RAD52: variants seen among roughly 807,000 people sequenced by gnomAD.
RAD52 encodes RAD52 DNA repair protein.
Under a neutral mutation model 55.5 loss-of-function variants are expected in RAD52, and 47 were observed. The observed-to-expected ratio is 0.85, with a 90% CI of 0.67 to 1.08. The LOEUF is 1.08. Ranked by LOEUF, RAD52 falls within the 50% of genes least tolerant of loss-of-function variation. The pLI, the probability that RAD52 is intolerant of heterozygous loss-of-function variation, is 0.00. For synonymous variants in RAD52, 184 were observed against 198.9 expected (o/e 0.92, Z 0.63); for missense variants, 468 against 522.8 (o/e 0.90, Z 1.02).
chr12:939,089 G>GT (rs1957790395), intron 1 of RAD52, among the ~76,000 whole-genome samples: 4 of 61,770 alleles, frequency 6.5e-5, no homozygotes, highest in Admixed American at 5.6e-4. Flanking sequence ...TGTGTGTAGA[G>GT]AGAGAGAAAA....
intron 1 of RAD52, among the ~76,000 whole-genome samples, chr12:970,827 A>C (rs4765877): frequency 0.12 from 17,946 of 152,044 alleles, 3,536 homozygotes; most frequent in African/African-American, 0.41. Context: ...ATGTTCTATT[A>C]ATTACTCTTC....
chr12:980,719 T>A (rs1463486145), intron 1 of RAD52, among the ~76,000 whole-genome samples: 3 of 151,860 alleles, frequency 2.0e-5, no homozygotes, highest in Non-Finnish European at 4.4e-5. Flanking sequence ...TGCCTCAGCC[T>A]CTTGAGTAGC....
chr12:927,042 T>A (rs1957073662), intron 6 of RAD52, 103 bp downstream of exon 6: 1 of 1,522,714 alleles, frequency 6.6e-7, no homozygotes, highest in Non-Finnish European at 9.0e-7. Context: ...GCTGCTTGGA[T>A]TTTTGAACCA....
chr12:931,177 T>A, intron 3 of RAD52, 43 bp downstream of exon 3: 1 of 1,511,760 alleles, frequency 6.6e-7, no homozygotes, highest in Non-Finnish European at 9.2e-7. Flanking sequence ...CATCGGAGTC[T>A]GCGGTATGGA....
chr12:978,300 G>A (rs1050913884), intron 1 of RAD52, among the ~76,000 whole-genome samples: 2 of 151,666 alleles, frequency 1.3e-5, no homozygotes, highest in African/African-American at 2.4e-5. Flanking sequence ...TGATCTGCCC[G>A]CCTTGGCCTC....
chr12:939,755 T>C (rs963877867), intron 1 of RAD52, among the ~76,000 whole-genome samples: 1 of 152,114 alleles, frequency 6.6e-6, no homozygotes, highest in Non-Finnish European at 1.5e-5. Flanking sequence ...GGGATCCAGA[T>C]AGGAAGAGAG....
chr12:919,778 C>T (rs1255009641), intron 7 of RAD52, among the ~76,000 whole-genome samples: 1 of 109,870 alleles, frequency 9.1e-6, no homozygotes, highest in Non-Finnish European at 1.9e-5. Flanking sequence ...CTGGGCTCAG[C>T]GTGGTGGCTC....
chr12:968,516 G>A (rs1318539351), intron 1 of RAD52, among the ~76,000 whole-genome samples: 2 of 151,862 alleles, frequency 1.3e-5, no homozygotes, highest in Non-Finnish European at 2.9e-5. Context: ...TCTTATCCAG[G>A]GCTAAAAAAA....
chr12:925,312 G>C, intron 7 of RAD52, 138 bp downstream of exon 7: 1 of 738,046 alleles, frequency 1.4e-6, no homozygotes, highest in Non-Finnish European at 2.4e-6. Flanking sequence ...TCTAACATTC[G>C]AAATCTGAAA....
intron 7 of RAD52, among the ~76,000 whole-genome samples, chr12:917,934 T>C (rs1171433046): frequency 2.0e-5 from 3 of 151,966 alleles, no homozygotes; most frequent in Admixed American, 2.0e-4. Context: ...AGCAAGACTG[T>C]GTCTCAAAAA....
In RAD52 at chr12:987,432, A is replaced by T. The variant is rs1592505101; in HGVS notation, c.-19+2377T>A. On this transcript the variant is annotated intron_variant, in intron 1 of 11. Coordinates refer to the RAD52 transcript ENST00000430095. ...CAGTTCTAGGAAATTGTCTTGCATT[A>T]TTTTTTCAATAATTTTCTGTCCTTC... Among the ~76,000 whole-genome samples, 4 of 150,202 alleles carry T rather than the reference A, an allele frequency of 2.7e-5. No homozygotes were observed. The East Asian group carries it at 7.8e-4, about 29-fold the overall frequency.
intron 7 of RAD52, among the ~76,000 whole-genome samples, chr12:924,147 C>G (rs188506553): frequency 6.6e-6 from 1 of 151,972 alleles, no homozygotes; most frequent in East Asian, 1.9e-4. Flanking sequence ...CGGGGGCTCA[C>G]GCCTGTAATC....
chr12:929,650 T>C, intron 5 of RAD52, 169 bp downstream of exon 5: 1 of 794,230 alleles, frequency 1.3e-6, no homozygotes, highest in Admixed American at 1.7e-5. Flanking sequence ...TTCCATTCTT[T>C]TAGGGAGCAC....
chr12:951,724 ACTTCCTTT>A (rs1266092851), upstream of RAD52, among the ~76,000 whole-genome samples: 1 of 62,738 alleles, frequency 1.6e-5, no homozygotes, highest in East Asian at 3.3e-4. Flanking sequence ...TATCTTCATC[ACTTCCTTT>A]CTTCTGCTCA....
intron 1 of RAD52, among the ~76,000 whole-genome samples, chr12:960,712 C>A (rs532202751): frequency 6.6e-6 from 1 of 152,142 alleles, no homozygotes; most frequent in African/African-American, 2.4e-5. Context: ...GCGATGCCCC[C>A]CTTCTTAGCC....
At chr12:952,935 AG>A (rs1958550849), upstream of RAD52, among the ~76,000 whole-genome samples, 1 of 12,168 alleles carries the variant, frequency 8.2e-5, no homozygotes, top group Admixed American at 1.1e-3. Context: ...GGGGAAGGGG[AG>A]GGGAGGGGAG....
In RAD52 at chr12:916,660, G is replaced by A. The variant is rs1054640166; in HGVS notation, c.704C>T (p.Ala235Val). Residue 235 changes from alanine (A) to valine (V), a missense_variant, in exon 8 of 12, where the codon GCG (alanine) becomes GTG (valine). Transcript: ENST00000358495. ...PSRPSHAVIP[A>V]DQDCSSRSLS... The stretch of plus-strand genomic sequence containing the variant: ...ATACCGGGAGCTGCAGTCCTGGTCC[G>A]CCGGTATCACAGCATGGCTGGGTCT... 6 of 1,613,760 alleles carry A rather than the reference G, an allele frequency of 3.7e-6. No individual in the cohort carries two copies. In the African/African-American group the frequency reaches 4.0e-5, roughly 11 times the overall value.
upstream of RAD52, among the ~76,000 whole-genome samples, chr12:953,098 A>T (rs1379282287): frequency 1.4e-5 from 2 of 145,338 alleles, no homozygotes; most frequent in African/African-American, 5.1e-5. Flanking sequence ...TGAGGTCAGG[A>T]GTTTGAGACC....
chr12:982,680 G>A (rs1391688006), intron 1 of RAD52, among the ~76,000 whole-genome samples: 6 of 103,928 alleles, frequency 5.8e-5, no homozygotes, highest in South Asian at 2.9e-4. Context: ...TTTTTTTGGC[G>A]GGGGGGACAG....
Sources: gnomAD v4.1 joint callset for allele counts (sites outside exome capture counted in the v4.1 genomes callset) on GRCh38, gnomAD v4.1.1 for gene constraint, MANE v1.5 for transcripts, NCBI Gene and HGNC (gene_info 2026-07-23, HGNC 2026-07-21) for gene names.